PITPNC1: variants seen among roughly 807,000 people sequenced by gnomAD.
The protein encoded by PITPNC1 is cytoplasmic phosphatidylinositol transfer protein 1.
PITPNC1 carries 18 observed loss-of-function variants against 44.7 expected under a neutral mutation model. That is an observed-to-expected ratio of 0.40 (90% CI 0.28 to 0.60). PITPNC1 has a LOEUF of 0.60. Ranked by LOEUF, PITPNC1 falls within the 20% of genes least tolerant of loss-of-function variation. The pLI, the probability that PITPNC1 is intolerant of heterozygous loss-of-function variation, is 0.39. For missense variants in PITPNC1, 290 were observed against 418.4 expected (o/e 0.69, Z 2.68); for synonymous variants, 141 against 149.6 (o/e 0.94, Z 0.42).
chr17:67,391,982 G>A (rs1486748047), intron 1 of PITPNC1, among the ~76,000 whole-genome samples: 2 of 151,934 alleles, frequency 1.3e-5, no homozygotes, highest in African/African-American at 4.8e-5. Flanking sequence ...ATTCCTCTTC[G>A]AAAATAACTT....
intron 6 of PITPNC1, among the ~76,000 whole-genome samples, chr17:67,659,250 T>A (rs959231172): frequency 1.3e-5 from 2 of 152,146 alleles, no homozygotes; most frequent in African/African-American, 4.8e-5. Context: ...ACAATGAGAG[T>A]GCATTGTTTC....
At chr17:67,583,892 TG>T (rs1441906629) in intron 5 of PITPNC1, among the ~76,000 whole-genome samples, 208 of 128,338 alleles carry the variant, frequency 1.6e-3, no homozygotes, top group Non-Finnish European at 2.8e-3. Flanking sequence ...TGTGTGTGTG[TG>T]TGTTTGTGTG....
chr17:67,593,937 A>G (rs1354853864), intron 5 of PITPNC1, among the ~76,000 whole-genome samples: 1 of 152,182 alleles, frequency 6.6e-6, no homozygotes, highest in Non-Finnish European at 1.5e-5. Flanking sequence ...TTATTTACCT[A>G]GAGCTTTGTG....
At chr17:67,432,566 A>T (rs560562902) in intron 1 of PITPNC1, among the ~76,000 whole-genome samples, 19 of 152,338 alleles carry the variant, frequency 1.2e-4, no homozygotes, top group African/African-American at 3.8e-4. Flanking sequence ...CTGATGAGCT[A>T]AAATAAATAA....
intron 6 of PITPNC1, among the ~76,000 whole-genome samples, chr17:67,632,681 C>T (rs2041986668): frequency 1.3e-5 from 2 of 151,072 alleles, no homozygotes; most frequent in South Asian, 2.1e-4. Flanking sequence ...CATTCTCCTG[C>T]CTCAGCCTCC....
chr17:67,486,995 C>T (rs796732429), intron 1 of PITPNC1, among the ~76,000 whole-genome samples: 18 of 151,526 alleles, frequency 1.2e-4, no homozygotes, highest in African/African-American at 2.7e-4. Context: ...ACTGCACCAC[C>T]GCACTCCAGC....
intron 8 of PITPNC1, among the ~76,000 whole-genome samples, chr17:67,684,074 A>C (rs953889273): frequency 2.0e-5 from 3 of 151,154 alleles, no homozygotes; most frequent in Admixed American, 6.6e-5. Context: ...ACCAATTCCA[A>C]ATTGACGGTA....
At chr17:67,447,625 C>T (rs1421806979) in intron 1 of PITPNC1, among the ~76,000 whole-genome samples, 1 of 151,734 alleles carries the variant, frequency 6.6e-6, no homozygotes, top group African/African-American at 2.4e-5. Flanking sequence ...CCTCAGACTC[C>T]CAAAGTGCTG....
At chr17:67,447,032 G>T (rs2039105994) in intron 1 of PITPNC1, among the ~76,000 whole-genome samples, 1 of 129,884 alleles carries the variant, frequency 7.7e-6, no homozygotes, top group Non-Finnish European at 1.6e-5. Flanking sequence ...GGAGGTTGCA[G>T]TAAGCCAAGA....
rs187451718 is a variant in PITPNC1 at position 67,388,939 on chromosome 17, A to T, written c.48+10737A>T. On this transcript the variant is annotated intron_variant, in intron 1 of 8. Coordinates refer to ENST00000581322, the MANE Select transcript of PITPNC1 (RefSeq NM_012417.4). ...TTCTATTGCTGTGTTACAAATGATC[A>T]CAAACTCAGTGGCTTACAATAACAC... Among the ~76,000 whole-genome samples, 19 of 152,300 alleles carry T rather than the reference A, an allele frequency of 1.2e-4. No individual in the cohort carries two copies. The East Asian group carries it at 3.7e-3, about 29-fold the overall frequency.
chr17:67,471,253 AAAAG>A (rs2039525731), intron 1 of PITPNC1, among the ~76,000 whole-genome samples: 1 of 150,722 alleles, frequency 6.6e-6, no homozygotes, highest in Admixed American at 6.6e-5. Flanking sequence ...AAAAAAAAAA[AAAAG>A]AAATTCATCC....
intron 1 of PITPNC1, among the ~76,000 whole-genome samples, chr17:67,420,668 G>A (rs2038660246): frequency 6.6e-6 from 1 of 152,110 alleles, no homozygotes; most frequent in South Asian, 2.1e-4. Context: ...CTGGCCTCAA[G>A]TAAACTGCCC....
chr17:67,573,058 A>C (rs576304767), intron 4 of PITPNC1, among the ~76,000 whole-genome samples: 1 of 152,308 alleles, frequency 6.6e-6, no homozygotes, highest in East Asian at 1.9e-4. Context: ...TGAGAGAATA[A>C]ATTGCTGCTG....
At chr17:67,658,941 T>C (rs1394960204) in intron 6 of PITPNC1, among the ~76,000 whole-genome samples, 2 of 152,212 alleles carry the variant, frequency 1.3e-5, no homozygotes, top group Non-Finnish European at 2.9e-5. Flanking sequence ...ACCCATCATT[T>C]ACCTCTGTTG....
chr17:67,425,193 GCACGCACACGCACACACACACACA>G lies in PITPNC1; in HGVS notation c.48+46995_48+47018del, dbSNP rs1227934130. On this transcript the variant is annotated intron_variant, in intron 1 of 8. Coordinates refer to ENST00000581322, the MANE Select transcript of PITPNC1 (RefSeq NM_012417.4). ...AAATAAACAGCCATGTTGTGCGCGCGCACGCACACGCACACACACACACACACACACACACACACACACACACAC... is the reference window on the plus strand; with the variant it reads ...AAATAAACAGCCATGTTGTGCGCGCGCACACACACACACACACACACACAC... Among the ~76,000 whole-genome samples, 31 of 52,122 alleles carry G rather than the reference GCACGCACACGCACACACACACACA, an allele frequency of 5.9e-4. 1 individual carries two copies. Among genetic ancestry groups the G allele is most frequent in the Middle Eastern group, 9.1e-3 (1 of 110 alleles). 34.2% of individuals were successfully genotyped at this position (52,122 alleles called of 152,430 possible).
chr17:67,661,325 C>T (rs1350854740), intron 6 of PITPNC1, among the ~76,000 whole-genome samples: 2 of 152,114 alleles, frequency 1.3e-5, no homozygotes, highest in Non-Finnish European at 2.9e-5. Context: ...TTACTCCCTT[C>T]AGATACTTAT....
At chr17:67,444,231 T>G (rs766563658) in intron 1 of PITPNC1, among the ~76,000 whole-genome samples, 3 of 151,986 alleles carry the variant, frequency 2.0e-5, no homozygotes, top group African/African-American at 2.4e-5. Context: ...ACATGAACAT[T>G]GTAATTGATT....
chr17:67,622,298 C>T (rs1598898192), intron 5 of PITPNC1, among the ~76,000 whole-genome samples: 1 of 150,100 alleles, frequency 6.7e-6, no homozygotes, highest in South Asian at 2.1e-4. Context: ...TTTGAAGAGA[C>T]CCATAAAGAG....
chr17:67,474,523 C>T (rs1233103311), intron 1 of PITPNC1, among the ~76,000 whole-genome samples: 1 of 152,116 alleles, frequency 6.6e-6, no homozygotes, highest in East Asian at 1.9e-4. Context: ...AGTGCCCTCT[C>T]CTGTTTCCCC....
Sources: allele counts gnomAD v4.1 joint callset (sites outside exome capture counted in the v4.1 genomes callset), GRCh38; gene constraint gnomAD v4.1.1; transcripts MANE v1.5; gene names NCBI Gene and HGNC (gene_info 2026-07-23, HGNC 2026-07-21).